IFI35: variants seen among roughly 807,000 people sequenced by gnomAD.
IFI35 encodes interferon induced protein 35.
In IFI35, 30 loss-of-function variants were observed where a neutral mutation model predicts 28.6. That is an observed-to-expected ratio of 1.05 (90% confidence interval 0.79 to 1.43). The LOEUF (loss-of-function observed/expected upper bound fraction) is 1.43, where lower values mean the gene tolerates loss of function less well. Among genes scored for constraint, IFI35 ranks in the 40% most tolerant of loss-of-function variants. The pLI, the probability that IFI35 is intolerant of heterozygous loss-of-function variation, is 0.00. For synonymous variants in IFI35, 146 were observed against 154.8 expected, an observed-to-expected ratio of 0.94 and a Z score of 0.42; for missense variants, 372 against 356.9, an observed-to-expected ratio of 1.04 and a Z score of -0.34.
At position 43,014,336 on chromosome 17, in the gene IFI35, A is replaced by AGAACCTTGGCGGG; in HGVS notation, c.*38_*39insAACCTTGGCGGGG. ...TCTCATCCTCCCCACCCCCCCGCCA[A>AGAACCTTGGCGGG]GGTTCTCACACTGGCCTGGGCTTGG... On this transcript the variant is annotated 3_prime_UTR_variant, in exon 7 of 7. Transcript: ENST00000415816. The AGAACCTTGGCGGG allele has an allele frequency of 6.9e-7, 1 of 1,455,136 alleles. No homozygotes were observed. The highest frequency in any genetic ancestry group is 9.2e-7 in the Non-Finnish European group (1 of 1,082,190). 90.1% of individuals were successfully genotyped at this position (1,455,136 alleles called of 1,614,324 possible).
In IFI35 at chr17:43,014,132, TC is replaced by T; in HGVS notation, c.695del (p.Ser232TrpfsTer34). On this transcript the variant is annotated frameshift_variant, in exon 7 of 7. Coordinates refer to ENST00000415816, the MANE Select transcript of IFI35 (RefSeq NM_001330230.2). LOFTEE classifies it high-confidence loss of function. ...AEIRSQPVPR[S>X]VLVLNIPDIL... is the part of the protein sequence containing the mutation. ...GATCAGGTCGCAGCCAGTTCCCCGCTCGGTACTGGTGCTCAACATTCCTGAT... is the reference window on the plus strand; with the variant it reads ...GATCAGGTCGCAGCCAGTTCCCCGCTGGTACTGGTGCTCAACATTCCTGAT... The T allele has an allele frequency of 6.2e-7, 1 of 1,613,954 alleles. No homozygotes were observed. The highest frequency in any genetic ancestry group is 8.5e-7 in the Non-Finnish European group (1 of 1,179,942).
rs201113582 is a variant in IFI35, at chr17:43,007,849, A to T, written c.21+881A>T. On this transcript the variant is annotated intron_variant, in intron 1 of 6. Coordinates refer to ENST00000415816, the MANE Select transcript of IFI35 (RefSeq NM_001330230.2). The stretch of plus-strand genomic sequence containing the variant: ...TCACACACACACACACACAAAATTT[A>T]TATATATATATATATATATATATAC... Among the ~76,000 whole-genome samples, 11 of 17,956 alleles carry T rather than the reference A, an allele frequency of 6.1e-4. 1 individual carries two copies. The highest frequency in any genetic ancestry group is 5.8e-3 in the South Asian group (1 of 172). The allele number at this position is 17,956 out of a possible 152,430, so 11.8% of individuals were successfully genotyped here.
intron 2 of IFI35, among the ~76,000 whole-genome samples, chr17:43,012,791 A>G (rs535590187): frequency 6.6e-6 from 1 of 152,152 alleles, no homozygotes; most frequent in Non-Finnish European, 1.5e-5. Context: ...TGGCTCTGCT[A>G]CTTCCTTGCT....
chr17:43,010,104 CG>C (rs2050444455), intron 1 of IFI35, among the ~76,000 whole-genome samples: 1 of 151,154 alleles, frequency 6.6e-6, no homozygotes, highest in Non-Finnish European at 1.5e-5. Flanking sequence ...GGCGTGGTGG[CG>C]GGCACCTGTA....
At chr17:43,007,872 T>TATATATATATATATATACAC (rs1491453151) in intron 1 of IFI35, among the ~76,000 whole-genome samples, 1 of 136,602 alleles carries the variant, frequency 7.3e-6, no homozygotes, top group African/African-American at 2.7e-5. Context: ...TATATATATA[T>TATATATATATATATATACAC]ACTATAAGAA....
chr17:43,013,016 G>A, intron 2 of IFI35, 31 bp from the exon 3 acceptor site: 1 of 1,604,762 alleles, frequency 6.2e-7, no homozygotes, highest in East Asian at 2.2e-5. Context: ...TGGGAGTGAG[G>A]AACACTCCTA....
Position 43,013,576 on chromosome 17 carries a change from T to C in IFI35, c.476T>C (p.Phe159Ser), listed in dbSNP as rs763115088. 1 of 1,614,110 alleles carries C rather than the reference T, an allele frequency of 6.2e-7. No individual in the cohort carries two copies. The highest frequency in any genetic ancestry group is 8.5e-7 in the Non-Finnish European group (1 of 1,179,998). Residue 159 changes from phenylalanine (F) to serine (S), a missense_variant, in exon 5 of 7, where the codon TTT (phenylalanine) becomes TCT (serine). Physicochemically the swap from Phe to Ser is radical, Grantham distance 155 (BLOSUM62 -2). Transcript: ENST00000415816. The part of the protein sequence containing the change: ...EELLDKLEIF[F>S]GKTRNGGGDV... ...CTGCTGGACAAGCTAGAGATCTTCT[T>C]TGGCAAGACTAGGAACGGAGGTGGC...
chr17:43,008,909 C>T (rs2050433883), intron 1 of IFI35, among the ~76,000 whole-genome samples: 1 of 152,086 alleles, frequency 6.6e-6, no homozygotes, highest in East Asian at 1.9e-4. Flanking sequence ...CCTCCCTTAG[C>T]CTCCCAAAAT....
intron 2 of IFI35, 82 bp from the exon 3 acceptor site, chr17:43,012,965 C>A: frequency 7.2e-7 from 1 of 1,397,334 alleles, no homozygotes; most frequent in Non-Finnish European, 9.9e-7. Context: ...CTCCGGCACT[C>A]AGCATCAATG....
chr17:43,009,474 G>C (rs936805018), intron 1 of IFI35, among the ~76,000 whole-genome samples: 3 of 151,884 alleles, frequency 2.0e-5, no homozygotes, highest in African/African-American at 7.3e-5. Flanking sequence ...AAAAATTAGA[G>C]CCGGGCACGG....
intron 1 of IFI35, among the ~76,000 whole-genome samples, chr17:43,009,922 G>C (rs2151968332): frequency 6.6e-6 from 1 of 150,962 alleles, no homozygotes; most frequent in South Asian, 2.1e-4. Context: ...AACAGAGGGA[G>C]ACTCCGTCTC....
At chr17:43,007,112 T>A in intron 1 of IFI35, 144 bp downstream of exon 1, 1 of 901,110 alleles carries the variant, frequency 1.1e-6, no homozygotes, top group South Asian at 1.3e-5. Context: ...AACACAGGGC[T>A]GGGGTTGCCT....
Position 43,014,128 on chromosome 17 carries a change from C to G in IFI35, c.690C>G (p.Pro230=), listed in dbSNP as rs1472162167. The G allele has an allele frequency of 6.2e-7, 1 of 1,613,952 alleles. No homozygotes were observed. The highest frequency in any genetic ancestry group is 1.3e-5 in the African/African-American group (1 of 74,922). The change falls in exon 7 of 7, where the codon CCC becomes CCG. Residue 230 remains proline (P), a synonymous_variant. Transcript: ENST00000415816. ...TCCAGATCAGGTCGCAGCCAGTTCC[C>G]CGCTCGGTACTGGTGCTCAACATTC... is the stretch of plus-strand genomic sequence containing the variant. ...QKAEIRSQPV[P]RSVLVLNIPD...
intron 1 of IFI35, among the ~76,000 whole-genome samples, chr17:43,008,050 T>C (rs1235931996): frequency 6.8e-6 from 1 of 146,382 alleles, no homozygotes; most frequent in Non-Finnish European, 1.5e-5. Context: ...TTTTTTTTTT[T>C]TTGAGACGGA....
intron 1 of IFI35, among the ~76,000 whole-genome samples, chr17:43,011,220 T>C (rs1233045039): frequency 2.6e-5 from 4 of 152,188 alleles, no homozygotes; most frequent in African/African-American, 9.6e-5. Context: ...AATTTCCTCA[T>C]CTATAAAATA....
At chr17:43,007,368 G>T (rs1309427193) in intron 1 of IFI35, among the ~76,000 whole-genome samples, 1 of 152,086 alleles carries the variant, frequency 6.6e-6, no homozygotes, top group African/African-American at 2.4e-5. Context: ...AGCTGTGTGT[G>T]GTGGTGTGCG....
chr17:43,007,285 G>T (rs1040259602), intron 1 of IFI35, among the ~76,000 whole-genome samples: 3 of 152,084 alleles, frequency 2.0e-5, no homozygotes, highest in African/African-American at 7.2e-5. Flanking sequence ...GGTGTCTCAC[G>T]CCTGTCATCC....
At position 43,013,779 on chromosome 17, in the gene IFI35, C is replaced by T; in HGVS notation, c.566C>T (p.Ala189Val). 2 of 1,613,462 alleles carry T rather than the reference C, an allele frequency of 1.2e-6. No homozygotes were observed. The highest frequency in any genetic ancestry group is 1.7e-6 in the Non-Finnish European group (2 of 1,179,668). The change falls in exon 6 of 7, where the codon GCT becomes GTT. Residue 189 changes from alanine to valine, a missense_variant. Coordinates refer to ENST00000415816, the MANE Select transcript of IFI35 (RefSeq NM_001330230.2). ...VMLGFARDGV[A>V]QRLCQIGQFT... Reference sequence around the variant, plus strand: ...CACCCCTCCTTGCTCCCCACAGTGGCTCAGCGTCTGTGCCAAATCGGCCAG... The same window carrying T: ...CACCCCTCCTTGCTCCCCACAGTGGTTCAGCGTCTGTGCCAAATCGGCCAG...
At chr17:43,009,373 C>T (rs1417638722) in intron 1 of IFI35, among the ~76,000 whole-genome samples, 1 of 152,068 alleles carries the variant, frequency 6.6e-6, no homozygotes, top group South Asian at 2.1e-4. Context: ...AATCCCAGCA[C>T]TTTGTGAGGC....
Sources: gnomAD v4.1 joint callset for allele counts (sites outside exome capture counted in the v4.1 genomes callset) on GRCh38, gnomAD v4.1.1 for gene constraint, MANE v1.5 for transcripts, NCBI Gene and HGNC (gene_info 2026-07-23, HGNC 2026-07-21) for gene names.